The following NARF variants were observed in gnomAD, a reference collection of about 807,000 sequenced individuals.
The protein encoded by NARF is iron-only hydrogenase-like protein 2.
NARF carries 41 observed loss-of-function variants against 48.0 expected under a neutral mutation model. The observed-to-expected ratio is 0.85, with a 90% CI of 0.66 to 1.11. The LOEUF (loss-of-function observed/expected upper bound fraction) is 1.11, where lower values mean the gene tolerates loss of function less well. Ranked by LOEUF, NARF falls within the 50% of genes least tolerant of loss-of-function variation. The pLI, the probability that NARF is intolerant of heterozygous loss-of-function variation, is 0.00. For synonymous variants in NARF, 215 were observed against 225.5 expected, an observed-to-expected ratio of 0.95 and a Z score of 0.42; for missense variants, 613 against 590.2, an observed-to-expected ratio of 1.04 and a Z score of -0.40.
upstream of NARF, chr17:82,458,485 C>T (rs1026229536): frequency 3.0e-6 from 1 of 334,784 alleles, no homozygotes; most frequent in East Asian, 4.7e-5. Context: ...GAAACCGGCG[C>T]AAGGACCCGG....
Position 82,464,341 on chromosome 17 carries a change from G to A in NARF, c.163G>A (p.Ala55Thr). 1 of 1,614,028 alleles carries A rather than the reference G, an allele frequency of 6.2e-7. No homozygotes were observed. Residue 55 changes from alanine to threonine, a missense_variant, in exon 3 of 11, where the codon GCA becomes ACA. Coordinates refer to ENST00000309794, the MANE Select transcript of NARF (RefSeq NM_012336.4). The part of the protein sequence containing the change: ...DAKIFLSDCL[A>T]CDSCMTAEEG... ...CAAGATATTTTTGAGCGACTGCCTG[G>A]CATGTGACAGCTGTATGACTGCAGA...
intron 2 of NARF, among the ~76,000 whole-genome samples, chr17:82,461,275 GTC>G (rs1285979123): frequency 6.6e-6 from 1 of 151,852 alleles, no homozygotes; most frequent in African/African-American, 2.4e-5. Flanking sequence ...AGTAGCTATG[GTC>G]TCTGTTTATT....
At chr17:82,472,824 A>T in intron 5 of NARF, 126 bp downstream of exon 5, 2 of 1,229,834 alleles carry the variant, frequency 1.6e-6, no homozygotes, top group Non-Finnish European at 2.2e-6. Flanking sequence ...ACCAGGAGGG[A>T]AGAGCTTGGC....
chr17:82,478,951 A>G, intron 6 of NARF, 33 bp downstream of exon 6: 1 of 1,591,454 alleles, frequency 6.3e-7, no homozygotes, highest in Non-Finnish European at 8.6e-7. Context: ...CAGGAAGGGC[A>G]GGTGAGGGAG....
At chr17:82,466,882 C>T (rs564294878) in intron 3 of NARF, among the ~76,000 whole-genome samples, 17 of 150,980 alleles carry the variant, frequency 1.1e-4, no homozygotes, top group African/African-American at 3.2e-4. Flanking sequence ...TCTTTTTTTT[C>T]GGCCTTCACC....
In NARF at chr17:82,489,651, T is replaced by G. The variant is rs2044164205; in HGVS notation, c.*1494T>G. The G allele has an allele frequency of 6.6e-6, 1 of 152,270 alleles. No homozygotes were observed. The highest frequency in any genetic ancestry group is 1.5e-5 in the Non-Finnish European group (1 of 68,102). 9.4% of individuals were successfully genotyped at this position (152,270 alleles called of 1,614,324 possible). A position where few individuals can be genotyped will look rare whatever the true frequency, so the allele number is the denominator to read the frequency against. On this transcript the variant is annotated 3_prime_UTR_variant, in exon 11 of 11. Coordinates refer to ENST00000309794, the MANE Select transcript of NARF (RefSeq NM_012336.4). ...CCACTCGCCATGAAGCCCTCTGTGC[T>G]CAGGGTGATGGAGCCCCCTCCATTC...
In NARF at chr17:82,489,760, A is replaced by G. The variant is rs560766170; in HGVS notation, c.*1603A>G. The G allele has an allele frequency of 6.6e-6, 1 of 152,296 alleles. No homozygotes were observed. Among genetic ancestry groups the G allele is most frequent in the South Asian group, 2.1e-4 (1 of 4,830 alleles). The allele number at this position is 152,296 out of a possible 1,614,324, so 9.4% of individuals were successfully genotyped here. A position where few individuals can be genotyped will look rare whatever the true frequency, so the allele number is the denominator to read the frequency against. Reference sequence around the variant, plus strand: ...GGCTCGTGCCCTATAATCCCAGCACACTGGGAGGCCAAGGTGGGAGGATTG... The same window carrying G: ...GGCTCGTGCCCTATAATCCCAGCACGCTGGGAGGCCAAGGTGGGAGGATTG... On this transcript the variant is annotated 3_prime_UTR_variant, in exon 11 of 11. Transcript: ENST00000309794.
chr17:82,468,632 C>T, intron 3 of NARF, 132 bp from the exon 4 acceptor site: 1 of 810,436 alleles, frequency 1.2e-6, no homozygotes, highest in Non-Finnish European at 1.9e-6. Context: ...TTATGTTTGC[C>T]AGTGTTTGTC....
Position 82,488,085 on chromosome 17 carries a change from G to A in NARF, c.1299G>A (p.Lys433=). The change falls in exon 11 of 11, where the codon AAG becomes AAA. Residue 433 remains lysine, a synonymous_variant. Transcript: ENST00000309794. ...GGCTGGAGGGGATCAACTCCCCCAAGGCCCGAGAGGTGCTGCATACCACGT... is the reference window on the plus strand; with the variant it reads ...GGCTGGAGGGGATCAACTCCCCCAAAGCCCGAGAGGTGCTGCATACCACGT... ...QEWLEGINSP[K]AREVLHTTYQ... The A allele has an allele frequency of 6.2e-7, 1 of 1,614,028 alleles. No homozygotes were observed. The highest frequency in any genetic ancestry group is 8.5e-7 in the Non-Finnish European group (1 of 1,180,034).
At chr17:82,471,791 CAAAAAA>C (rs58302009) in intron 4 of NARF, among the ~76,000 whole-genome samples, 2 of 64,612 alleles carry the variant, frequency 3.1e-5, no homozygotes, top group South Asian at 5.0e-4. Flanking sequence ...GACTCCGTCT[CAAAAAA>C]AAAAAAAAAA....
intron 8 of NARF, chr17:82,484,515 A>C (rs1031385198): frequency 4.1e-6 from 1 of 244,258 alleles, no homozygotes; most frequent in Non-Finnish European, 7.9e-6. Context: ...CCTGAGAGAC[A>C]GAACAAGACC....
chr17:82,466,935 C>T (rs1379084310), intron 3 of NARF, among the ~76,000 whole-genome samples: 1 of 151,786 alleles, frequency 6.6e-6, no homozygotes, highest in Non-Finnish European at 1.5e-5. Flanking sequence ...TCAAGTGATC[C>T]ACCTGCCTTG....
intron 2 of NARF, among the ~76,000 whole-genome samples, chr17:82,461,910 C>T (rs576233223): frequency 6.6e-6 from 1 of 152,314 alleles, no homozygotes; most frequent in African/African-American, 2.4e-5. Context: ...GGGCCTGAGA[C>T]AAGCAGCCAA....
intron 7 of NARF, among the ~76,000 whole-genome samples, chr17:82,481,417 C>T (rs2043962668): frequency 6.6e-6 from 1 of 152,252 alleles, no homozygotes; most frequent in South Asian, 2.1e-4. Flanking sequence ...CCTGTCTCCT[C>T]TGTGCATCTT....
chr17:82,458,549 T>G, upstream of NARF: 4 of 420,272 alleles, frequency 9.5e-6, no homozygotes, highest in East Asian at 7.5e-5. Flanking sequence ...CGCGCTCCGA[T>G]TGGCTCTGGG....
chr17:82,478,949 G>A (rs762536604), intron 6 of NARF, 31 bp downstream of exon 6: 1 of 1,597,554 alleles, frequency 6.3e-7, no homozygotes, highest in Non-Finnish European at 8.6e-7. Context: ...GGCAGGAAGG[G>A]CAGGTGAGGG....
chr17:82,464,291 G>A lies in NARF; in HGVS notation c.113G>A (p.Gly38Glu). The A allele has an allele frequency of 6.2e-7, 1 of 1,612,866 alleles. No homozygotes were observed. Among genetic ancestry groups the A allele is most frequent in the Non-Finnish European group, 8.5e-7 (1 of 1,179,540 alleles). ...CTGAAACGTCATCTTTCATAGAAGGGAGAATTCCACAAGTTGGCTGATGCC... is the reference window on the plus strand; with the variant it reads ...CTGAAACGTCATCTTTCATAGAAGGAAGAATTCCACAAGTTGGCTGATGCC... The part of the protein sequence containing the change: ...PSPAQENGEK[G>E]EFHKLADAKI... The change falls in exon 3 of 11, where the codon GGA becomes GAA. Residue 38 changes from glycine to glutamate, a missense_variant. Transcript: ENST00000309794.
chr17:82,488,296 T>TTAAGAAAACCGCTCAATG lies in NARF; in HGVS notation c.*139_*140insTAAGAAAACCGCTCAATG. 1.5e-6 allele frequency: 2 copies of TTAAGAAAACCGCTCAATG among 1,342,924 alleles called. No individual in the cohort carries two copies. Among genetic ancestry groups the TTAAGAAAACCGCTCAATG allele is most frequent in the Non-Finnish European group, 2.0e-6 (2 of 1,012,342 alleles). 83.2% of individuals were successfully genotyped at this position (1,342,924 alleles called of 1,614,324 possible). On this transcript the variant is annotated 3_prime_UTR_variant, in exon 11 of 11. Transcript: ENST00000309794. ...ATTACTTTGGTTTCTCCGAGTTCCC[T>TTAAGAAAACCGCTCAATG]GCTACCCCGTTTATTGGAGGCCCCT... is the stretch of plus-strand genomic sequence containing the variant.
intron 1 of NARF, chr17:82,459,141 C>T (rs1193945500): frequency 3.5e-6 from 4 of 1,154,692 alleles, no homozygotes; most frequent in Non-Finnish European, 4.3e-6. Context: ...GCGGTCGTGG[C>T]GGGAATGATC....
Sources: gnomAD v4.1 joint callset for allele counts (sites outside exome capture counted in the v4.1 genomes callset) on GRCh38, gnomAD v4.1.1 for gene constraint, MANE v1.5 for transcripts, NCBI Gene and HGNC (gene_info 2026-07-23, HGNC 2026-07-21) for gene names.